CNTNAP2: variants seen among roughly 807,000 people sequenced by gnomAD.
The protein encoded by CNTNAP2 is contactin associated protein 2.
CNTNAP2 carries 98 observed loss-of-function variants against 155.2 expected under a neutral mutation model. The observed-to-expected ratio is 0.63, with a 90% CI of 0.54 to 0.75. CNTNAP2 has a LOEUF of 0.75. Ranked by LOEUF, CNTNAP2 falls within the 30% of genes least tolerant of loss-of-function variation. The pLI is 0.00. For synonymous variants in CNTNAP2, 651 were observed against 631.2 expected, an observed-to-expected ratio of 1.03 and a Z score of -0.47; for missense variants, 1,727 against 1,688.1, an observed-to-expected ratio of 1.02 and a Z score of -0.40.
intron 12 of CNTNAP2, among the ~76,000 whole-genome samples, chr7:147,623,025 C>T (rs1417822270): frequency 6.6e-6 from 1 of 152,076 alleles, no homozygotes; most frequent in East Asian, 1.9e-4. Context: ...GAAAAATAGA[C>T]AAATTCTTAG....
intron 8 of CNTNAP2, among the ~76,000 whole-genome samples, chr7:147,191,090 A>G (rs983971474): frequency 1.3e-5 from 2 of 152,166 alleles, no homozygotes; most frequent in Non-Finnish European, 1.5e-5. Context: ...ATGACTCACC[A>G]TGTACAGTCT....
At chr7:147,072,848 CTTTTTTTTTT>C (rs71165064) in intron 4 of CNTNAP2, among the ~76,000 whole-genome samples, 1 of 93,684 alleles carries the variant, frequency 1.1e-5, no homozygotes, top group Non-Finnish European at 2.0e-5. Context: ...TTCCTTTATT[CTTTTTTTTTT>C]TTTTTTTTTT....
chr7:147,185,422 A>G lies in CNTNAP2; in HGVS notation c.1348+52913A>G, dbSNP rs548990326. On this transcript the variant is annotated intron_variant, in intron 8 of 23. Coordinates refer to ENST00000361727, the MANE Select transcript of CNTNAP2 (RefSeq NM_014141.6). The stretch of plus-strand genomic sequence containing the variant: ...TTGGATGGAGGCACAGAAAATTTGT[A>G]TGAATATGTTCATATTAACATTCTC... Among the ~76,000 whole-genome samples the G allele has an allele frequency of 3.3e-5, 5 of 152,296 alleles. No homozygotes were observed. In the South Asian group the frequency reaches 1.0e-3, roughly 32 times the overall value.
chr7:148,127,419 C>T (rs118131614), intron 16 of CNTNAP2, among the ~76,000 whole-genome samples: 1 of 152,190 alleles, frequency 6.6e-6, no homozygotes, highest in Non-Finnish European at 1.5e-5. Context: ...AATACTTTAA[C>T]ATAAGCTTCC....
chr7:148,112,002 G>A (rs1804363157), intron 15 of CNTNAP2, among the ~76,000 whole-genome samples: 1 of 152,162 alleles, frequency 6.6e-6, no homozygotes, highest in Non-Finnish European at 1.5e-5. Context: ...AATGGCAGAG[G>A]GAGGTCCCAG....
chr7:148,217,821 T>C (rs1308201965), intron 19 of CNTNAP2, among the ~76,000 whole-genome samples: 1 of 152,224 alleles, frequency 6.6e-6, no homozygotes, highest in Non-Finnish European at 1.5e-5. Context: ...TTATTTTTTC[T>C]CCCTACTAAA....
intron 3 of CNTNAP2, among the ~76,000 whole-genome samples, chr7:147,040,451 A>ATTTTTTTTT (rs34880534): frequency 1.2e-5 from 1 of 80,830 alleles, no homozygotes; most frequent in Non-Finnish European, 2.2e-5. Flanking sequence ...TTAAGAGTGA[A>ATTTTTTTTT]TTTTTTTTTT....
chr7:147,639,351 G>T, intron 13 of CNTNAP2, 45 bp downstream of exon 13: 1 of 1,570,358 alleles, frequency 6.4e-7, no homozygotes, highest in Admixed American at 1.7e-5. Context: ...ATCTCAGCTG[G>T]TGCTTAGAAT....
At chr7:147,440,465 T>C (rs1797618875) in intron 10 of CNTNAP2, among the ~76,000 whole-genome samples, 1 of 152,126 alleles carries the variant, frequency 6.6e-6, no homozygotes, top group African/African-American at 2.4e-5. Flanking sequence ...TTTTGATTGG[T>C]TTATCATTTA....
intron 13 of CNTNAP2, among the ~76,000 whole-genome samples, chr7:147,736,690 G>A (rs1331907470): frequency 6.6e-6 from 1 of 152,136 alleles, no homozygotes; most frequent in Non-Finnish European, 1.5e-5. Context: ...TTTTCACATA[G>A]TGCCATATTT....
intron 13 of CNTNAP2, among the ~76,000 whole-genome samples, chr7:147,671,460 T>C (rs1236417893): frequency 6.6e-6 from 1 of 152,214 alleles, no homozygotes; most frequent in East Asian, 1.9e-4. Context: ...ATTTTTCAAA[T>C]TATATCTCAT....
At chr7:146,241,850 A>T (rs998319935) in intron 1 of CNTNAP2, among the ~76,000 whole-genome samples, 1 of 151,982 alleles carries the variant, frequency 6.6e-6, no homozygotes, top group African/African-American at 2.4e-5. Flanking sequence ...ACACACACGC[A>T]CACACACAAA....
intron 13 of CNTNAP2, among the ~76,000 whole-genome samples, chr7:147,806,479 C>T (rs1300378779): frequency 1.3e-5 from 2 of 152,016 alleles, no homozygotes; most frequent in African/African-American, 4.8e-5. Context: ...CTATATGATC[C>T]AGTAATCCCA....
At chr7:146,724,596 G>A (rs1222488167) in intron 1 of CNTNAP2, among the ~76,000 whole-genome samples, 2 of 108,464 alleles carry the variant, frequency 1.8e-5, no homozygotes, top group African/African-American at 7.2e-5. Context: ...TTTTGAGACA[G>A]AGTCTCGCTC....
chr7:146,879,659 G>T (rs976679653), intron 3 of CNTNAP2, among the ~76,000 whole-genome samples: 2 of 152,032 alleles, frequency 1.3e-5, no homozygotes, highest in African/African-American at 4.8e-5. Context: ...TCCAGAACCT[G>T]GCAGGGACTG....
At chr7:146,527,037 C>T (rs1797701137) in intron 1 of CNTNAP2, among the ~76,000 whole-genome samples, 1 of 151,862 alleles carries the variant, frequency 6.6e-6, no homozygotes, top group Non-Finnish European at 1.5e-5. Context: ...TACAGGCCAC[C>T]CTGCCTAGCC....
chr7:146,807,460 G>T (rs1802988040), intron 2 of CNTNAP2, among the ~76,000 whole-genome samples: 1 of 152,024 alleles, frequency 6.6e-6, no homozygotes, highest in Non-Finnish European at 1.5e-5. Context: ...CACTTTTGGG[G>T]TGATGAGAGC....
chr7:146,608,721 T>A (rs895553697), intron 1 of CNTNAP2, among the ~76,000 whole-genome samples: 1 of 152,188 alleles, frequency 6.6e-6, no homozygotes, highest in Admixed American at 6.5e-5. Flanking sequence ...TGTATATTTT[T>A]AAGGCTTTTG....
intron 10 of CNTNAP2, among the ~76,000 whole-genome samples, chr7:147,402,526 AC>A (rs1356606899): frequency 6.6e-6 from 1 of 151,404 alleles, no homozygotes; most frequent in Non-Finnish European, 1.5e-5. Flanking sequence ...TTCTGGAGAA[AC>A]CCCTCAGTTC....
Sources: allele counts gnomAD v4.1 joint callset (sites outside exome capture counted in the v4.1 genomes callset), GRCh38; gene constraint gnomAD v4.1.1; transcripts MANE v1.5; gene names NCBI Gene and HGNC (gene_info 2026-07-23, HGNC 2026-07-21).